DSG4: variants seen among roughly 807,000 people sequenced by gnomAD.
The protein encoded by DSG4 is desmoglein-4.
DSG4 carries 87 observed loss-of-function variants against 93.1 expected under a neutral mutation model. The ratio of observed to expected loss-of-function variants is 0.93; its 90% CI spans 0.79 to 1.12. DSG4 has a LOEUF of 1.12. Ranked by LOEUF, DSG4 falls within the 50% of genes most tolerant of loss-of-function variation. The pLI, the probability that DSG4 is intolerant of heterozygous loss-of-function variation, is 0.00. For synonymous variants in DSG4, 432 were observed against 452.9 expected (o/e 0.95, Z 0.59); for missense variants, 1,373 against 1,285.7 (o/e 1.07, Z -1.04).
At chr18:31,405,574 A>C (rs2072415116) in intron 11 of DSG4, among the ~76,000 whole-genome samples, 1 of 152,058 alleles carries the variant, frequency 6.6e-6, no homozygotes, top group Admixed American at 6.6e-5. Flanking sequence ...AATGTTAAAA[A>C]AAAAAAGAAA....
In DSG4 at chr18:31,385,121, C is replaced by A. The variant is rs929154066; in HGVS notation, c.49-15C>A. ...ATGCAAATTTATGCTAATGTGGTAT[C>A]TTCTATCAAAACAGGTGGTGATGGA... On this transcript the variant is annotated splice_polypyrimidine_tract_variant and intron_variant, in intron 1 of 15. Transcript: ENST00000308128. 6 of 1,599,878 alleles carry A rather than the reference C, an allele frequency of 3.8e-6. No individual in the cohort carries two copies. The highest frequency in any genetic ancestry group is 1.7e-4 in the Middle Eastern group (1 of 6,030).
rs1463181078 is a variant in DSG4 at position 31,392,248 on chromosome 18, G to A, written c.913G>A (p.Ala305Thr). ...TGAAGAAGGCACTGATAACTGGTTG[G>A]CTCAATATTTAATTCTCTCTGGAAA... is the stretch of plus-strand genomic sequence containing the variant. ...LDEEGTDNWL[A>T]QYLILSGNDG... The change falls in exon 8 of 16, where the codon GCT becomes ACT. Residue 305 changes from alanine (A) to threonine (T), a missense_variant. Ala to Thr is a moderately conservative substitution (Grantham distance 58, BLOSUM62 0). Transcript: ENST00000308128. 6.2e-7 allele frequency: 1 copy of A among 1,613,736 alleles called. No homozygotes were observed. The highest frequency in any genetic ancestry group is 1.7e-5 in the Admixed American group (1 of 59,986).
At chr18:31,403,777 T>C (rs927425807) in intron 11 of DSG4, 143 bp downstream of exon 11, 1 of 756,184 alleles carries the variant, frequency 1.3e-6, no homozygotes. Flanking sequence ...AAAAAATATT[T>C]CATGTACACA....
chr18:31,399,561 T>G lies in DSG4; in HGVS notation c.1277+18T>G, dbSNP rs758013101. ...GATGTCAGGTACTGCAACTATTTTC[T>G]TCATGTTCTATGGTTCTATCCAGTG... On this transcript the variant is annotated intron_variant, in intron 9 of 15. Coordinates refer to ENST00000308128, the MANE Select transcript of DSG4 (RefSeq NM_177986.5). The G allele has an allele frequency of 1.2e-6, 2 of 1,613,706 alleles. No homozygotes were observed. The highest frequency in any genetic ancestry group is 1.7e-6 in the Non-Finnish European group (2 of 1,179,850).
rs751974865 is a variant in DSG4 at position 31,392,219 on chromosome 18, T to C, written c.884T>C (p.Leu295Pro). The C allele has an allele frequency of 1.2e-5, 20 of 1,613,726 alleles. No homozygotes were observed. The highest frequency in any genetic ancestry group is 1.6e-5 in the Non-Finnish European group (19 of 1,179,870). The change falls in exon 8 of 16, where the codon CTT (leucine) becomes CCT (proline). Residue 295 changes from leucine (L) to proline (P), a missense_variant. Transcript: ENST00000308128. ...CTGATACGATTACAAGCAATTGATC[T>C]TGATGAAGAAGGCACTGATAACTGG... The part of the protein sequence containing the change: ...SELIRLQAID[L>P]DEEGTDNWLA...
chr18:31,395,162 T>C (rs1308543411), intron 8 of DSG4, among the ~76,000 whole-genome samples: 1 of 152,044 alleles, frequency 6.6e-6, no homozygotes, highest in Admixed American at 6.6e-5. Context: ...TCGTAACTTC[T>C]GCATACAATT....
chr18:31,408,850 TGAG>T (rs2072455079), intron 12 of DSG4, among the ~76,000 whole-genome samples: 1 of 152,186 alleles, frequency 6.6e-6, no homozygotes, highest in South Asian at 2.1e-4. Context: ...AATACAGAAT[TGAG>T]GTGATTATTA....
At chr18:31,392,022 T>TATGG in intron 7 of DSG4, 133 bp from the exon 8 acceptor site, 1 of 763,006 alleles carries the variant, frequency 1.3e-6, no homozygotes, top group Non-Finnish European at 2.2e-6. Context: ...CTGATTGGAC[T>TATGG]ATGGGCATTT....
At chr18:31,386,911 G>A (rs2072194974) in intron 3 of DSG4, 92 bp downstream of exon 3, 3 of 1,578,762 alleles carry the variant, frequency 1.9e-6, no homozygotes, top group Non-Finnish European at 2.6e-6. Flanking sequence ...CTGCTCCACA[G>A]TTATTTAAGA....
rs532825766 is a variant in DSG4, at chr18:31,407,276, C to T, written c.1933+903C>T. ...ATGACACACCAGGCATTCTGGGCTT[C>T]AGTACAATGGCACAGAAGAGTTGAT... is the stretch of plus-strand genomic sequence containing the variant. On this transcript the variant is annotated intron_variant, in intron 12 of 15. Coordinates refer to ENST00000308128, the MANE Select transcript of DSG4 (RefSeq NM_177986.5). Among the ~76,000 whole-genome samples, 55 of 152,304 alleles carry T rather than the reference C, an allele frequency of 3.6e-4. 2 individuals carry two copies. In the South Asian group the frequency reaches 9.5e-3, roughly 26 times the overall value.
At chr18:31,387,890 A>G (rs1312044905) in intron 3 of DSG4, among the ~76,000 whole-genome samples, 1 of 152,176 alleles carries the variant, frequency 6.6e-6, no homozygotes, top group East Asian at 1.9e-4. Flanking sequence ...GTATGTTTAC[A>G]TTTATAAAAT....
chr18:31,412,291 T>G (rs974260353), intron 15 of DSG4, among the ~76,000 whole-genome samples: 1 of 152,192 alleles, frequency 6.6e-6, no homozygotes, highest in Non-Finnish European at 1.5e-5. Context: ...TGACATGTTC[T>G]CACTCATCTG....
In DSG4 at chr18:31,386,690, G is replaced by A; in HGVS notation, c.87G>A (p.Val29=). 6.2e-7 allele frequency: 1 copy of A among 1,612,978 alleles called. No individual in the cohort carries two copies. Among genetic ancestry groups the A allele is most frequent in the South Asian group, 1.1e-5 (1 of 91,034 alleles). Residue 29 remains valine (V), a splice_region_variant and synonymous_variant, in exon 3 of 16, where the codon GTG becomes GTA. Coordinates refer to ENST00000308128, the MANE Select transcript of DSG4 (RefSeq NM_177986.5). ...CACCTGAACCATTTTTGCTTAAGGT[G>A]AAGGAATTTGACATTGAAAATGGCA... The part of the protein sequence containing the change: ...MEVNSEFIVE[V]KEFDIENGTT...
At chr18:31,379,772 AAT>A (rs2072114908) in intron 1 of DSG4, among the ~76,000 whole-genome samples, 1 of 152,192 alleles carries the variant, frequency 6.6e-6, no homozygotes, top group Admixed American at 6.5e-5. Flanking sequence ...CATGCACTCA[AAT>A]ATGTTATTCT....
intron 3 of DSG4, among the ~76,000 whole-genome samples, chr18:31,388,004 GAC>G (rs1207744972): frequency 6.6e-6 from 1 of 152,086 alleles, no homozygotes; most frequent in Non-Finnish European, 1.5e-5. Flanking sequence ...TTATTAATAT[GAC>G]ACAAGTTATT....
rs749440898 is a variant in DSG4, at chr18:31,388,387, G to A, written c.237G>A (p.Ser79=). Residue 79 remains serine (S), a synonymous_variant, in exon 4 of 16, where the codon TCG becomes TCA. Coordinates refer to ENST00000308128, the MANE Select transcript of DSG4 (RefSeq NM_177986.5). ...TATAGATTCGATCAGACTGCGAATCGAACCAGAAGATAACATACCGGATTT... is the reference window on the plus strand; with the variant it reads ...TATAGATTCGATCAGACTGCGAATCAAACCAGAAGATAACATACCGGATTT... ...PIAKIRSDCE[S]NQKITYRISG... 1.9e-5 allele frequency: 31 copies of A among 1,613,100 alleles called. No individual in the cohort carries two copies. Among genetic ancestry groups the A allele is most frequent in the African/African-American group, 1.2e-4 (9 of 74,866 alleles).
At chr18:31,388,328 C>G (rs543482376) in intron 3 of DSG4, 39 bp from the exon 4 acceptor site, 19 of 1,609,686 alleles carry the variant, frequency 1.2e-5, no homozygotes, top group Non-Finnish European at 1.6e-5. Context: ...GCATTATCTG[C>G]TCTAAACTGG....
At chr18:31,396,469 A>T (rs954861282) in intron 8 of DSG4, among the ~76,000 whole-genome samples, 35 of 147,218 alleles carry the variant, frequency 2.4e-4, no homozygotes, top group Middle Eastern at 3.3e-3. Context: ...AATTTCACGC[A>T]TCAGCCTCCG....
chr18:31,387,889 C>T (rs1022981815), intron 3 of DSG4, among the ~76,000 whole-genome samples: 5 of 152,098 alleles, frequency 3.3e-5, no homozygotes, highest in Admixed American at 3.3e-4. Context: ...AGTATGTTTA[C>T]ATTTATAAAA....
Sources: allele counts gnomAD v4.1 joint callset (sites outside exome capture counted in the v4.1 genomes callset), GRCh38; gene constraint gnomAD v4.1.1; transcripts MANE v1.5; gene names NCBI Gene and HGNC (gene_info 2026-07-23, HGNC 2026-07-21).